The following OGDH variants were observed in gnomAD, a reference collection of about 807,000 sequenced individuals.
The protein encoded by OGDH is 2-oxoglutarate dehydrogenase complex component E1.
A neutral mutation model predicts 116.6 loss-of-function variants in OGDH; 38 were observed. The observed-to-expected ratio is 0.33, with a 90% CI of 0.25 to 0.43. The LOEUF (loss-of-function observed/expected upper bound fraction) is 0.43, where lower values mean the gene tolerates loss of function less well. OGDH is among the 20% of genes least tolerant of loss of function. The probability of loss-of-function intolerance (pLI) is 1.00; values close to 1 mark genes in which losing one functional copy is unlikely to be tolerated. For missense variants in OGDH, 825 were observed against 1,357.2 expected (o/e 0.61, Z 6.16); for synonymous variants, 488 against 533.3 (o/e 0.92, Z 1.17).
intron 1 of OGDH, among the ~76,000 whole-genome samples, chr7:44,623,640 A>G (rs1028255736): frequency 6.6e-6 from 1 of 152,106 alleles, no homozygotes; most frequent in African/African-American, 2.4e-5. Flanking sequence ...ACTAGATTTA[A>G]TGGTTTTTTG....
chr7:44,617,884 T>C (rs1413623613), intron 1 of OGDH, among the ~76,000 whole-genome samples: 1 of 152,144 alleles, frequency 6.6e-6, no homozygotes, highest in African/African-American at 2.4e-5. Context: ...ATCACCCCCC[T>C]ACCTAGCCAA....
rs193239151 is a variant in OGDH, at chr7:44,703,437, A to C, written c.2632+1822A>C. Among the ~76,000 whole-genome samples the C allele has an allele frequency of 2.6e-5, 4 of 151,094 alleles. No homozygotes were observed. The Admixed American group carries it at 2.7e-4, about 10-fold the overall frequency. ...CAAAACAAAACAAAAAAGACTGAAT[A>C]GGCTGGGCCCAGTGGCTTACACCTG... On this transcript the variant is annotated intron_variant, in intron 20 of 22. Coordinates refer to ENST00000222673, the MANE Select transcript of OGDH (RefSeq NM_002541.4).
chr7:44,697,539 C>T lies in OGDH; in HGVS notation c.2179+42C>T. On this transcript the variant is annotated intron_variant, in intron 16 of 22. Coordinates refer to ENST00000222673, the MANE Select transcript of OGDH (RefSeq NM_002541.4). This position sits in a 1 kb window ranked among gnomAD's most constrained non-coding sequence, Gnocchi z 6.0. ...ACACCACCAGGGCCTGTCACCCACC[C>T]ACCCCCGCTGGGCCTACTGGCTGGT... 2 of 1,613,284 alleles carry T rather than the reference C, an allele frequency of 1.2e-6. No individual in the cohort carries two copies. The highest frequency in any genetic ancestry group is 1.7e-6 in the Non-Finnish European group (2 of 1,179,372).
At chr7:44,645,204 G>C in intron 2 of OGDH, 123 bp from the exon 3 acceptor site, 1 of 841,024 alleles carries the variant, frequency 1.2e-6, no homozygotes, top group Non-Finnish European at 1.9e-6. Flanking sequence ...TGTCCAGGAG[G>C]AAGCAGGCTC....
chr7:44,677,530 G>T (rs926480549), intron 9 of OGDH, among the ~76,000 whole-genome samples: 1 of 151,892 alleles, frequency 6.6e-6, no homozygotes, highest in Admixed American at 6.5e-5. Flanking sequence ...GGGAGGGGCC[G>T]GCCTCCTAGT....
rs955693940 is a variant in OGDH, at chr7:44,639,260, T to C, written c.223-6067T>C. Among the ~76,000 whole-genome samples, 58 of 150,682 alleles carry C rather than the reference T, an allele frequency of 3.8e-4. 1 individual carries two copies. Among genetic ancestry groups the C allele is most frequent in the Non-Finnish European group, 2.7e-4 (18 of 67,724 alleles). ...GGAGAAGAGGTATCTCCTTGGGGAG[T>C]GGAAGATGTTAGAGAGATACAGGGT... On this transcript the variant is annotated intron_variant, in intron 2 of 22. Coordinates refer to ENST00000222673, the MANE Select transcript of OGDH (RefSeq NM_002541.4).
At chr7:44,646,836 G>C (rs918130136) in intron 3 of OGDH, among the ~76,000 whole-genome samples, 13 of 152,048 alleles carry the variant, frequency 8.5e-5, no homozygotes, top group African/African-American at 3.1e-4. Flanking sequence ...CTCCTCACGG[G>C]GATATATAAT....
At chr7:44,699,633 G>A (rs370934222) in intron 18 of OGDH, among the ~76,000 whole-genome samples, 2 of 152,138 alleles carry the variant, frequency 1.3e-5, no homozygotes, top group East Asian at 3.8e-4. Flanking sequence ...GGACTCACTT[G>A]TTAGTGTCAG....
rs573347087 is a variant in OGDH at position 44,702,073 on chromosome 7, A to C, written c.2632+458A>C. On this transcript the variant is annotated intron_variant, in intron 20 of 22. Coordinates refer to ENST00000222673, the MANE Select transcript of OGDH (RefSeq NM_002541.4). ...GCAATAAGAGCAAAACTCCGGCACA[A>C]AAAAAAAAAAAAAAGTCCCATGATA... 9.2e-4 allele frequency among the ~76,000 whole-genome samples: 137 copies of C among 148,492 alleles called. 3 individuals carry two copies. The highest frequency in any genetic ancestry group is 3.0e-3 in the African/African-American group (122 of 40,226).
intron 20 of OGDH, among the ~76,000 whole-genome samples, chr7:44,701,853 C>T (rs1319543257): frequency 6.6e-6 from 1 of 152,116 alleles, no homozygotes; most frequent in African/African-American, 2.4e-5. Flanking sequence ...GGGCAGATCA[C>T]CTGAGGTCGG....
chr7:44,694,586 T>C lies in OGDH; in HGVS notation c.1668+10T>C. On this transcript the variant is annotated intron_variant, in intron 12 of 22. Coordinates refer to ENST00000222673, the MANE Select transcript of OGDH (RefSeq NM_002541.4). The surrounding 1 kb of genome is among the most constrained non-coding windows in gnomAD (Gnocchi z 4.2). ...CCAGCCTGAGTATGAGGTACGTCCC[T>C]GCGGCTCTATCCCAGTGCGCCTTTC... 6.2e-7 allele frequency: 1 copy of C among 1,613,438 alleles called. No individual in the cohort carries two copies. The highest frequency in any genetic ancestry group is 8.5e-7 in the Non-Finnish European group (1 of 1,179,414).
At chr7:44,636,183 A>C (rs931521297) in intron 2 of OGDH, among the ~76,000 whole-genome samples, 1 of 152,248 alleles carries the variant, frequency 6.6e-6, no homozygotes, top group African/African-American at 2.4e-5. Flanking sequence ...AGTCAGTCCT[A>C]CTGGTCTGTG....
intron 10 of OGDH, among the ~76,000 whole-genome samples, chr7:44,689,991 C>A (rs1008738979): frequency 2.6e-5 from 4 of 152,144 alleles, no homozygotes; most frequent in Non-Finnish European, 5.9e-5. Flanking sequence ...TCTTCTGAGT[C>A]TTATAGTTTT....
rs1303841967 is a variant in OGDH, at chr7:44,680,492, T to C, written c.1207-1228T>C. On this transcript the variant is annotated intron_variant, in intron 9 of 22. Transcript: ENST00000222673. The stretch of plus-strand genomic sequence containing the variant: ...TGGAAGGAGGTGGCCTAGAAAGTGT[T>C]GGATTAAAATTTGGAGGTATCAATA... 2.6e-5 allele frequency among the ~76,000 whole-genome samples: 4 copies of C among 151,440 alleles called. 1 individual carries two copies. The highest frequency in any genetic ancestry group is 2.9e-5 in the Non-Finnish European group (2 of 67,946).
At chr7:44,676,644 A>T (rs1787716522) in intron 9 of OGDH, 1 of 228,732 alleles carries the variant, frequency 4.4e-6, no homozygotes, top group South Asian at 1.6e-4. Flanking sequence ...ATATATATTT[A>T]AAATCAACTT....
At chr7:44,693,720 G>A in intron 10 of OGDH, 105 bp from the exon 11 acceptor site, 1 of 969,714 alleles carries the variant, frequency 1.0e-6, no homozygotes, top group Non-Finnish European at 1.5e-6. Context: ...CGTACTCAGA[G>A]TAGCCAGATG....
intron 1 of OGDH, among the ~76,000 whole-genome samples, chr7:44,614,854 T>G (rs1026551820): frequency 2.8e-5 from 4 of 143,752 alleles, no homozygotes; most frequent in Admixed American, 2.8e-4. Flanking sequence ...TTTTTTTTTT[T>G]GAGATGAAGT....
intron 2 of OGDH, among the ~76,000 whole-genome samples, chr7:44,638,941 G>A (rs1785796136): frequency 6.6e-6 from 1 of 152,244 alleles, no homozygotes; most frequent in Non-Finnish European, 1.5e-5. Context: ...CAGCAGGGGA[G>A]AGATCTCAGG....
At chr7:44,622,395 A>C (rs1277035447) in intron 1 of OGDH, among the ~76,000 whole-genome samples, 1 of 152,224 alleles carries the variant, frequency 6.6e-6, no homozygotes, top group African/African-American at 2.4e-5. Flanking sequence ...TGCATTCCCT[A>C]ATTATATCCA....
Sources: gnomAD v4.1 joint callset for allele counts (sites outside exome capture counted in the v4.1 genomes callset) on GRCh38, gnomAD v4.1.1 for gene constraint, Gnocchi (gnomAD v3.1) non-coding constraint, MANE v1.5 for transcripts, NCBI Gene and HGNC (gene_info 2026-07-23, HGNC 2026-07-21) for gene names.